Variants in SDK1 observed in about 807,000 individuals in gnomAD.
SDK1 encodes sidekick cell adhesion molecule 1.
In SDK1, 157 loss-of-function variants were observed where a neutral mutation model predicts 245.5. The ratio of observed to expected loss-of-function variants is 0.64; its 90% confidence interval spans 0.56 to 0.73. The LOEUF is 0.73. Among genes scored for constraint, SDK1 ranks in the 30% least tolerant of loss-of-function variants. The pLI is 0.00. For synonymous variants in SDK1, 1,647 were observed against 1,278.5 expected, an observed-to-expected ratio of 1.29 and a Z score of -6.15; for missense variants, 3,583 against 3,002.3, an observed-to-expected ratio of 1.19 and a Z score of -4.52.
rs529012550 is a variant in SDK1 at position 4,095,739 on chromosome 7, A to AT, written c.3325-14918dup. On this transcript the variant is annotated intron_variant, in intron 22 of 44. Coordinates refer to ENST00000404826, the MANE Select transcript of SDK1 (RefSeq NM_152744.4). ...AGGCACTCGCCACCACACCTGGCTAATTTTTTGTATTTTTAGTAGAGATGG... is the reference window on the plus strand; with the variant it reads ...AGGCACTCGCCACCACACCTGGCTAATTTTTTTGTATTTTTAGTAGAGATGG... Among the ~76,000 whole-genome samples the AT allele has an allele frequency of 2.4e-3, 370 of 152,074 alleles. 2 individuals carry two copies. Among genetic ancestry groups the AT allele is most frequent in the Admixed American group, 1.6e-3 (24 of 15,276 alleles).
At chr7:4,170,194 G>C (rs965859966) in intron 32 of SDK1, among the ~76,000 whole-genome samples, 1 of 152,296 alleles carries the variant, frequency 6.6e-6, no homozygotes, top group Admixed American at 6.5e-5. Flanking sequence ...GAGATAACCA[G>C]GGCTAGAGTT....
intron 16 of SDK1, among the ~76,000 whole-genome samples, chr7:4,016,243 T>G (rs1441173357): frequency 6.6e-6 from 1 of 152,258 alleles, no homozygotes; most frequent in Admixed American, 6.5e-5. Flanking sequence ...GCGGATTTGC[T>G]GCCACTCAAG....
chr7:3,913,292 CTTTTTTTT>C (rs1290723820), intron 5 of SDK1, among the ~76,000 whole-genome samples: 1 of 135,192 alleles, frequency 7.4e-6, no homozygotes, highest in Non-Finnish European at 1.6e-5. Flanking sequence ...TTACACTTAT[CTTTTTTTT>C]TTTTTTTTTT....
At chr7:3,948,351 G>A (rs952432059) in intron 5 of SDK1, among the ~76,000 whole-genome samples, 1 of 143,828 alleles carries the variant, frequency 7.0e-6, no homozygotes, top group Admixed American at 7.6e-5. Context: ...TCCACCTCTC[G>A]GGTTCCAGCG....
intron 28 of SDK1, 128 bp downstream of exon 28, chr7:4,132,551 A>G (rs1784909036): frequency 8.0e-6 from 5 of 625,456 alleles, no homozygotes; most frequent in Non-Finnish European, 1.4e-5. Flanking sequence ...GTGAGACCCC[A>G]TCTCTCCAAA....
intron 4 of SDK1, among the ~76,000 whole-genome samples, chr7:3,808,592 C>T (rs1363997036): frequency 6.6e-6 from 1 of 152,064 alleles, no homozygotes; most frequent in East Asian, 1.9e-4. Context: ...TGCAGTAAGC[C>T]CTCCTGAAAG....
chr7:3,659,563 G>T (rs1783290877), intron 4 of SDK1, among the ~76,000 whole-genome samples: 2 of 152,200 alleles, frequency 1.3e-5, no homozygotes. Context: ...TCTCCGAGGA[G>T]AGTGGCCCAA....
intron 17 of SDK1, among the ~76,000 whole-genome samples, chr7:4,022,396 G>A (rs1786966756): frequency 6.6e-6 from 1 of 152,170 alleles, no homozygotes; most frequent in Non-Finnish European, 1.5e-5. Flanking sequence ...AAGGCCCTTG[G>A]ATTGAGCTCC....
intron 1 of SDK1, among the ~76,000 whole-genome samples, chr7:3,400,768 A>G (rs1054124053): frequency 1.3e-5 from 2 of 152,086 alleles, no homozygotes; most frequent in African/African-American, 4.8e-5. Context: ...CACAGGCAAA[A>G]ACATTTTATG....
chr7:4,079,027 C>A (rs1001190915), intron 21 of SDK1, among the ~76,000 whole-genome samples: 10 of 152,222 alleles, frequency 6.6e-5, no homozygotes, highest in African/African-American at 2.2e-4. Flanking sequence ...GGCCTATGCA[C>A]TCTTCCCTCC....
At chr7:3,812,804 G>C (rs1052126188) in intron 4 of SDK1, among the ~76,000 whole-genome samples, 10 of 152,324 alleles carry the variant, frequency 6.6e-5, no homozygotes, top group East Asian at 1.9e-4. Context: ...CCTGAATGCA[G>C]TTGTGCTGAG....
intron 40 of SDK1, among the ~76,000 whole-genome samples, chr7:4,222,219 G>A (rs1031414677): frequency 6.6e-6 from 1 of 152,214 alleles, no homozygotes; most frequent in Admixed American, 6.5e-5. Flanking sequence ...CTGTCACTGT[G>A]TCAGGACACT....
In SDK1 at chr7:4,058,303, G is replaced by A. The variant is rs1344007502; in HGVS notation, c.2911+6473G>A. On this transcript the variant is annotated intron_variant, in intron 19 of 44. Transcript: ENST00000404826. Reference sequence around the variant, plus strand: ...CTTCGGCAGTAGACTAGATGAGACAGCAGAAGGAATTTCAGAATTTAAAGT... The same window carrying A: ...CTTCGGCAGTAGACTAGATGAGACAACAGAAGGAATTTCAGAATTTAAAGT... Among the ~76,000 whole-genome samples, 3 of 151,966 alleles carry A rather than the reference G, an allele frequency of 2.0e-5. No homozygotes were observed. The East Asian group carries it at 5.8e-4, about 29-fold the overall frequency.
At chr7:3,848,968 C>T (rs1780350630) in intron 5 of SDK1, among the ~76,000 whole-genome samples, 1 of 152,224 alleles carries the variant, frequency 6.6e-6, no homozygotes, top group Non-Finnish European at 1.5e-5. Context: ...CCGCGCCCGG[C>T]CTGGAGTTTT....
intron 4 of SDK1, among the ~76,000 whole-genome samples, chr7:3,703,458 A>AT (rs1784798363): frequency 1.3e-5 from 2 of 152,200 alleles, no homozygotes; most frequent in South Asian, 4.1e-4. Context: ...GTTGGGATGA[A>AT]TGGGAGGATT....
intron 1 of SDK1, among the ~76,000 whole-genome samples, chr7:3,303,012 A>C (rs1013867996): frequency 1.3e-5 from 2 of 152,084 alleles, no homozygotes; most frequent in African/African-American, 4.8e-5. Flanking sequence ...CAACGAACTC[A>C]TACTTTTTTT....
chr7:4,049,423 C>T lies in SDK1; in HGVS notation c.2678C>T (p.Pro893Leu), dbSNP rs201664766. Residue 893 changes from proline to leucine, a missense_variant, in exon 18 of 45, where the codon CCG (proline) becomes CTG (leucine). By Grantham distance (98) the Pro-to-Leu change is moderately conservative. Coordinates refer to ENST00000404826, the MANE Select transcript of SDK1 (RefSeq NM_152744.4). ...STTIQFLWNP[P>L]PQQFINGINQ... Reference sequence around the variant, plus strand: ...ACCATTCAGTTCCTGTGGAACCCTCCGCCTCAGCAGTTTATCAATGGCATC... The same window carrying T: ...ACCATTCAGTTCCTGTGGAACCCTCTGCCTCAGCAGTTTATCAATGGCATC... 1.3e-4 allele frequency: 214 copies of T among 1,614,134 alleles called. No individual in the cohort carries two copies. The highest frequency in any genetic ancestry group is 4.0e-4 in the East Asian group (18 of 44,874).
chr7:3,956,225 A>G (rs539697828), intron 7 of SDK1, among the ~76,000 whole-genome samples: 35 of 152,158 alleles, frequency 2.3e-4, no homozygotes, highest in Non-Finnish European at 4.3e-4. Context: ...TCTGAAGAGT[A>G]AGTGGTTGAG....
At chr7:3,304,983 T>C (rs1261674301) in intron 1 of SDK1, among the ~76,000 whole-genome samples, 2 of 152,210 alleles carry the variant, frequency 1.3e-5, no homozygotes, top group African/African-American at 4.8e-5. Context: ...ACTGCTCTAA[T>C]GGTTTTACGT....
Sources: allele counts gnomAD v4.1 joint callset (sites outside exome capture counted in the v4.1 genomes callset), GRCh38; gene constraint gnomAD v4.1.1; transcripts MANE v1.5; gene names NCBI Gene and HGNC (gene_info 2026-07-23, HGNC 2026-07-21).